The following KCNJ6 variants were observed in gnomAD, a reference collection of about 807,000 sequenced individuals.
KCNJ6 encodes potassium inwardly rectifying channel subfamily J member 6, also known as G protein-activated inward rectifier potassium channel 2.
Under a neutral mutation model 34.2 loss-of-function variants are expected in KCNJ6, and 9 were observed. The observed-to-expected ratio is 0.26, with a 90% CI of 0.16 to 0.46. The LOEUF (loss-of-function observed/expected upper bound fraction) is 0.46, where lower values mean the gene tolerates loss of function less well. KCNJ6 is among the 20% of genes least tolerant of loss of function. KCNJ6 has a pLI of 1.00. For synonymous variants in KCNJ6, 196 were observed against 207.1 expected (o/e 0.95, Z 0.46); for missense variants, 236 against 531.3 (o/e 0.44, Z 5.46).
intron 2 of KCNJ6, among the ~76,000 whole-genome samples, chr21:37,722,294 A>G (rs974907277): frequency 6.6e-6 from 1 of 152,206 alleles, no homozygotes. Context: ...GAAATCAGAG[A>G]TGACACAAAT....
chr21:37,916,252 G>C lies in KCNJ6; in HGVS notation c.-396C>G, dbSNP rs1280426733. 2 of 152,198 alleles carry C rather than the reference G, an allele frequency of 1.3e-5. No individual in the cohort carries two copies. The highest frequency in any genetic ancestry group is 2.9e-5 in the Non-Finnish European group (2 of 68,104). 9.4% of individuals were successfully genotyped at this position (152,198 alleles called of 1,614,324 possible). ...GGGCGGAGGGGCGCGCGTTTGGGCAGGGACGGGGGAGGGAGACTGGGTGGA... is the reference window on the plus strand; with the variant it reads ...GGGCGGAGGGGCGCGCGTTTGGGCACGGACGGGGGAGGGAGACTGGGTGGA... On this transcript the variant is annotated 5_prime_UTR_variant, in exon 1 of 4. Coordinates refer to ENST00000609713, the MANE Select transcript of KCNJ6 (RefSeq NM_002240.5).
Position 37,649,444 on chromosome 21 carries a change from T to G in KCNJ6, c.947-23960A>C, listed in dbSNP as rs1601402919. On this transcript the variant is annotated intron_variant, in intron 3 of 3. Transcript: ENST00000609713. ...TAATGAACATAGAATGAGAAATTGA[T>G]GAAATTTTTTTTAAGTCGAAAAAGC... Among the ~76,000 whole-genome samples the G allele has an allele frequency of 6.6e-5, 10 of 152,328 alleles. No individual in the cohort carries two copies. In the South Asian group the frequency reaches 2.1e-3, roughly 32 times the overall value.
chr21:37,877,065 C>G (rs2055682364), intron 1 of KCNJ6, among the ~76,000 whole-genome samples: 1 of 152,104 alleles, frequency 6.6e-6, no homozygotes, highest in African/African-American at 2.4e-5. Context: ...AATGGTTTTA[C>G]AAGTTTTTTG....
intron 2 of KCNJ6, among the ~76,000 whole-genome samples, chr21:37,829,510 T>C (rs11088409): frequency 0.78 from 118,689 of 151,928 alleles, 47,018 homozygotes; most frequent in East Asian, 0.97. Context: ...GAACACATCC[T>C]GCTGCTGGGT....
intron 1 of KCNJ6, among the ~76,000 whole-genome samples, chr21:37,844,216 G>A (rs2055495208): frequency 2.0e-5 from 3 of 151,880 alleles, no homozygotes; most frequent in African/African-American, 2.4e-5. Context: ...ACACCAAAAC[G>A]CCCAGCTAAT....
intron 3 of KCNJ6, among the ~76,000 whole-genome samples, chr21:37,651,488 G>C (rs2054433339): frequency 6.6e-6 from 1 of 152,198 alleles, no homozygotes; most frequent in Non-Finnish European, 1.5e-5. Flanking sequence ...GCAAGGAGGA[G>C]CCTTCCCAGT....
At chr21:37,689,333 TG>T (rs11312342) in intron 3 of KCNJ6, among the ~76,000 whole-genome samples, 152,345 of 152,350 alleles carry the variant, frequency 1, 76,170 homozygotes, top group Non-Finnish European at 1. Context: ...TCTGATGGAA[TG>T]GATAAAGAAG....
intron 3 of KCNJ6, among the ~76,000 whole-genome samples, chr21:37,650,747 G>A (rs1423966696): frequency 2.0e-5 from 3 of 152,120 alleles, no homozygotes; most frequent in Non-Finnish European, 4.4e-5. Context: ...AAGAATTTTG[G>A]CATAAGTCTT....
intron 2 of KCNJ6, among the ~76,000 whole-genome samples, chr21:37,805,082 A>G (rs541936820): frequency 6.6e-6 from 1 of 152,190 alleles, no homozygotes; most frequent in Non-Finnish European, 1.5e-5. Context: ...CCATAGAGAC[A>G]GAAAAGAGAT....
chr21:37,782,130 G>C lies in KCNJ6; in HGVS notation c.25+58528C>G, dbSNP rs374469891. Reference sequence around the variant, plus strand: ...GAGACGGATGGGGTGGGAAAAGAGAGTGAGAGAGAGAGAGAGAACAGAGAC... The same window carrying C: ...GAGACGGATGGGGTGGGAAAAGAGACTGAGAGAGAGAGAGAGAACAGAGAC... On this transcript the variant is annotated intron_variant, in intron 2 of 3. Transcript: ENST00000609713. 1.2e-4 allele frequency among the ~76,000 whole-genome samples: 19 copies of C among 152,252 alleles called. 1 individual carries two copies. In the East Asian group the frequency reaches 2.5e-3, roughly 20 times the overall value.
At chr21:37,752,743 C>T (rs534724078) in intron 2 of KCNJ6, among the ~76,000 whole-genome samples, 1 of 152,290 alleles carries the variant, frequency 6.6e-6, no homozygotes, top group East Asian at 1.9e-4. Flanking sequence ...CTAGTTCTTC[C>T]TGCAACCCTG....
At chr21:37,646,611 G>C (rs1235103592) in intron 3 of KCNJ6, among the ~76,000 whole-genome samples, 1 of 152,230 alleles carries the variant, frequency 6.6e-6, no homozygotes, top group African/African-American at 2.4e-5. Context: ...GAGCCAGAGA[G>C]CAGGAACAGC....
chr21:37,867,946 G>A (rs1361542801), intron 1 of KCNJ6, among the ~76,000 whole-genome samples: 1 of 152,212 alleles, frequency 6.6e-6, no homozygotes, highest in Non-Finnish European at 1.5e-5. Flanking sequence ...TATATAGCAG[G>A]TAGCTGGGGA....
At chr21:37,884,626 T>G (rs903216961) in intron 1 of KCNJ6, among the ~76,000 whole-genome samples, 16 of 152,206 alleles carry the variant, frequency 1.1e-4, no homozygotes, top group Non-Finnish European at 2.2e-4. Flanking sequence ...AAAGTCAAAT[T>G]TCACAAAAAC....
At chr21:37,855,204 T>A (rs566080523) in intron 1 of KCNJ6, among the ~76,000 whole-genome samples, 1 of 152,372 alleles carries the variant, frequency 6.6e-6, no homozygotes, top group East Asian at 1.9e-4. Context: ...TTCTCTTTTT[T>A]ACTTGTGCCA....
In KCNJ6 at chr21:37,624,368, A is replaced by G. The variant is rs186778315; in HGVS notation, c.*791T>C. On this transcript the variant is annotated 3_prime_UTR_variant, in exon 4 of 4. Transcript: ENST00000609713. ...ACGTCTGCCAGTCTGAGACACAAACAAAGGCCATGCACTGAAGGGCCAGCC... is the reference window on the plus strand; with the variant it reads ...ACGTCTGCCAGTCTGAGACACAAACGAAGGCCATGCACTGAAGGGCCAGCC... The G allele has an allele frequency of 1.3e-5, 2 of 152,320 alleles. No homozygotes were observed. The highest frequency in any genetic ancestry group is 3.9e-4 in the East Asian group (2 of 5,184). The allele number at this position is 152,320 out of a possible 1,614,324, so 9.4% of individuals were successfully genotyped here. A position where few individuals can be genotyped will look rare whatever the true frequency, so the allele number is the denominator to read the frequency against.
intron 3 of KCNJ6, among the ~76,000 whole-genome samples, chr21:37,634,691 A>C (rs1362868884): frequency 1.3e-5 from 2 of 151,984 alleles, no homozygotes; most frequent in Admixed American, 6.5e-5. Context: ...AAAATTTAAA[A>C]ATATACCACT....
chr21:37,704,887 A>G (rs1046827501), intron 3 of KCNJ6, among the ~76,000 whole-genome samples: 2 of 151,452 alleles, frequency 1.3e-5, no homozygotes, highest in Non-Finnish European at 2.9e-5. Flanking sequence ...TTTGGGTTAC[A>G]CTTGGTTGCA....
intron 3 of KCNJ6, among the ~76,000 whole-genome samples, chr21:37,632,116 G>A (rs1569433332): frequency 2.0e-5 from 3 of 152,038 alleles, no homozygotes; most frequent in Admixed American, 2.0e-4. Flanking sequence ...AGTGGGGGCC[G>A]ACCGGGGGGA....
Sources: gnomAD v4.1 joint callset for allele counts (sites outside exome capture counted in the v4.1 genomes callset) on GRCh38, gnomAD v4.1.1 for gene constraint, MANE v1.5 for transcripts, NCBI Gene and HGNC (gene_info 2026-07-23, HGNC 2026-07-21) for gene names.